CLDN16: variants seen among roughly 807,000 people sequenced by gnomAD.
The protein encoded by CLDN16 is claudin-16.
CLDN16 carries 13 observed loss-of-function variants against 24.6 expected under a neutral mutation model. That is an observed-to-expected ratio of 0.53 (90% CI 0.34 to 0.84). The LOEUF (loss-of-function observed/expected upper bound fraction) is 0.84. Ranked by LOEUF, CLDN16 falls within the 40% of genes least tolerant of loss-of-function variation. The pLI, the probability that CLDN16 is intolerant of heterozygous loss-of-function variation, is 0.01. For missense variants in CLDN16, 298 were observed against 292.7 expected, an observed-to-expected ratio of 1.02 and a Z score of -0.13; for synonymous variants, 116 against 106.7, an observed-to-expected ratio of 1.09 and a Z score of -0.54.
At chr3:190,328,310 C>A (rs539065135) in intron 1 of CLDN16, among the ~76,000 whole-genome samples, 1 of 152,098 alleles carries the variant, frequency 6.6e-6, no homozygotes, top group Admixed American at 6.6e-5. Flanking sequence ...TTTTTAATAC[C>A]TTGATTTTTG....
At chr3:190,407,942 C>T (rs1719147368) in intron 3 of CLDN16, among the ~76,000 whole-genome samples, 1 of 152,090 alleles carries the variant, frequency 6.6e-6, no homozygotes, top group Non-Finnish European at 1.5e-5. Context: ...TTGTGTTAGA[C>T]TACATTCTTT....
intron 2 of CLDN16, among the ~76,000 whole-genome samples, chr3:190,373,882 G>A (rs886327142): frequency 1.3e-5 from 2 of 151,326 alleles, no homozygotes; most frequent in Admixed American, 6.6e-5. Context: ...TTGTTTTGGT[G>A]GTCTGGCAAG....
intron 1 of CLDN16, among the ~76,000 whole-genome samples, chr3:190,328,558 C>G (rs1171618591): frequency 2.6e-5 from 4 of 151,876 alleles, no homozygotes; most frequent in Non-Finnish European, 2.9e-5. Context: ...CTGTGAGAAC[C>G]TGGGTAAGTA....
chr3:190,382,141 G>T (rs1718383832), intron 3 of CLDN16, among the ~76,000 whole-genome samples: 2 of 152,010 alleles, frequency 1.3e-5, no homozygotes, highest in South Asian at 4.1e-4. Flanking sequence ...TCAAGAGAAA[G>T]GTTTTATGCC....
At chr3:190,403,845 T>C (rs1158652881) in intron 2 of CLDN16, among the ~76,000 whole-genome samples, 1 of 152,212 alleles carries the variant, frequency 6.6e-6, no homozygotes, top group Non-Finnish European at 1.5e-5. Context: ...ATTTGCTGAA[T>C]AGGAATGGAC....
the CLDN16 span, among the ~76,000 whole-genome samples, chr3:190,293,238 C>G: frequency 2.0e-5 from 3 of 152,132 alleles, no homozygotes; most frequent in African/African-American, 7.2e-5. Flanking sequence ...ACTATTGGAT[C>G]TCATGAGAAC....
At chr3:190,337,189 G>C (rs1016162800) in intron 1 of CLDN16, among the ~76,000 whole-genome samples, 5 of 152,178 alleles carry the variant, frequency 3.3e-5, no homozygotes, top group African/African-American at 1.2e-4. Flanking sequence ...GGCAGGATTT[G>C]GGTTAGTGTT....
chr3:190,377,381 A>C lies in CLDN16; in HGVS notation n.306+2778A>C, dbSNP rs115543604. Among the ~76,000 whole-genome samples the C allele has an allele frequency of 5.0e-3, 761 of 152,062 alleles. 6 individuals are homozygous for C. Among genetic ancestry groups the C allele is most frequent in the African/African-American group, 0.018 (737 of 41,534 alleles). ...GTTCTTGGGTTGAAACATTTTACTA[A>C]AAATGGAGGTCACATGGTCATCATC... On this transcript the variant is annotated intron_variant and non_coding_transcript_variant, in intron 3 of 4. Transcript: ENST00000468220.
upstream of CLDN16, among the ~76,000 whole-genome samples, chr3:190,320,876 G>A (rs974382720): frequency 6.6e-6 from 1 of 152,090 alleles, no homozygotes; most frequent in Non-Finnish European, 1.5e-5. Context: ...ATTTCTCAAG[G>A]AAGATACTCC....
chr3:190,402,169 T>C (rs1302618280), intron 1 of CLDN16, among the ~76,000 whole-genome samples, 168 bp from the exon 2 acceptor site: 7 of 152,158 alleles, frequency 4.6e-5, no homozygotes, highest in Admixed American at 4.6e-4. Flanking sequence ...TGTCAGTGCT[T>C]AAGGGAAAAT....
intron 1 of CLDN16, among the ~76,000 whole-genome samples, chr3:190,337,088 G>A (rs1717328246): frequency 1.3e-5 from 2 of 152,202 alleles, no homozygotes; most frequent in Non-Finnish European, 2.9e-5. Flanking sequence ...GTTCATCTCA[G>A]TATGTTGGTG....
chr3:190,355,175 C>A (rs1465220641), intron 1 of CLDN16, among the ~76,000 whole-genome samples: 1 of 151,886 alleles, frequency 6.6e-6, no homozygotes, highest in Admixed American at 6.6e-5. Context: ...TTTCTCACAC[C>A]ATTATTATAT....
chr3:190,319,145 TAAG>T (rs780549489), upstream of CLDN16, among the ~76,000 whole-genome samples: 102 of 152,216 alleles, frequency 6.7e-4, no homozygotes, highest in Non-Finnish European at 1.2e-3. Context: ...TAAAGTCAAG[TAAG>T]AAGAAGCATT....
intron 1 of CLDN16, among the ~76,000 whole-genome samples, chr3:190,349,812 G>A (rs1717632988): frequency 6.6e-6 from 1 of 152,152 alleles, no homozygotes; most frequent in Non-Finnish European, 1.5e-5. Flanking sequence ...GAAAATGAAA[G>A]ATTTCTCAGC....
At chr3:190,345,675 G>C (rs1717536451) in intron 1 of CLDN16, among the ~76,000 whole-genome samples, 1 of 152,134 alleles carries the variant, frequency 6.6e-6, no homozygotes, top group Admixed American at 6.5e-5. Context: ...TAGGTGTTCA[G>C]CTTTGTTTAA....
intron 1 of CLDN16, among the ~76,000 whole-genome samples, chr3:190,329,493 A>C (rs946568008): frequency 1.3e-5 from 2 of 152,168 alleles, no homozygotes; most frequent in African/African-American, 4.8e-5. Flanking sequence ...GAATTTATAC[A>C]GTATGTCAAT....
At chr3:190,298,933 T>A in the CLDN16 span, among the ~76,000 whole-genome samples, 5 of 152,228 alleles carry the variant, frequency 3.3e-5, no homozygotes, top group African/African-American at 4.8e-5. Flanking sequence ...ACATGTACCC[T>A]GATATACATA....
intron 1 of CLDN16, among the ~76,000 whole-genome samples, chr3:190,326,274 T>A (rs1369275594): frequency 1.3e-5 from 2 of 152,212 alleles, no homozygotes; most frequent in African/African-American, 4.8e-5. Flanking sequence ...TTTCTGATCC[T>A]GCCATTTGCA....
intron 1 of CLDN16, among the ~76,000 whole-genome samples, chr3:190,344,175 C>T (rs1274219605): frequency 1.3e-5 from 2 of 151,636 alleles, no homozygotes; most frequent in Non-Finnish European, 2.9e-5. Context: ...TGAAGAATAG[C>T]CATCATTATA....
Sources: allele counts gnomAD v4.1 joint callset (sites outside exome capture counted in the v4.1 genomes callset), GRCh38; gene constraint gnomAD v4.1.1; transcripts MANE v1.5; gene names NCBI Gene and HGNC (gene_info 2026-07-23, HGNC 2026-07-21).